The following GCFC2 variants were observed in gnomAD, a reference collection of about 807,000 sequenced individuals.
GCFC2 encodes the protein GC-rich sequence DNA-binding factor 2.
Under a neutral mutation model 99.4 loss-of-function variants are expected in GCFC2, and 102 were observed. The observed-to-expected ratio is 1.03, with a 90% CI of 0.87 to 1.21. The LOEUF (loss-of-function observed/expected upper bound fraction) is 1.21, where lower values mean the gene tolerates loss of function less well. Among genes scored for constraint, GCFC2 ranks in the 50% most tolerant of loss-of-function variants. The pLI is 0.00. For synonymous variants in GCFC2, 338 were observed against 316.8 expected, an observed-to-expected ratio of 1.07 and a Z score of -0.71; for missense variants, 973 against 920.9, an observed-to-expected ratio of 1.06 and a Z score of -0.73.
rs553252559 is a variant in GCFC2, at chr2:75,664,807, C to T, written c.2229-24G>A. ...CCCTGAAAAACAAAACAAATTTCTC[C>T]CTTTAAAAATGCAATGTATGAGGGA... On this transcript the variant is annotated intron_variant, in intron 16 of 16. Coordinates refer to ENST00000321027, the MANE Select transcript of GCFC2 (RefSeq NM_003203.5). 47 of 1,139,978 alleles carry T rather than the reference C, an allele frequency of 4.1e-5. No individual in the cohort carries two copies. In the South Asian group the frequency reaches 5.1e-4, roughly 12 times the overall value. The allele number at this position is 1,139,978 out of a possible 1,614,324, so 70.6% of individuals were successfully genotyped here. A position where few individuals can be genotyped will look rare whatever the true frequency, so the allele number is the denominator to read the frequency against.
intron 8 of GCFC2, 77 bp downstream of exon 8, chr2:75,690,560 AT>A (rs1680020334): frequency 1.3e-6 from 1 of 768,212 alleles, no homozygotes; most frequent in Non-Finnish European, 2.3e-6. Flanking sequence ...TAATGACATC[AT>A]GTGGTTAATT....
intron 11 of GCFC2, 124 bp downstream of exon 11, chr2:75,687,703 C>T (rs1679880503): frequency 1.3e-6 from 1 of 770,872 alleles, no homozygotes; most frequent in African/African-American, 1.8e-5. Flanking sequence ...TTGATTTTTA[C>T]TACATATAAC....
At chr2:75,679,959 C>T in intron 12 of GCFC2, 1 of 470,962 alleles carries the variant, frequency 2.1e-6, no homozygotes, top group Non-Finnish European at 3.7e-6. Context: ...AAGGTATATT[C>T]TTTCATCTTA....
intron 2 of GCFC2, among the ~76,000 whole-genome samples, chr2:75,702,824 G>A (rs1023998903): frequency 6.6e-6 from 1 of 152,156 alleles, no homozygotes; most frequent in Non-Finnish European, 1.5e-5. Flanking sequence ...AAGTTAGAAG[G>A]ATCAATGACA....
At chr2:75,709,278 C>T (rs1025497670) in intron 1 of GCFC2, among the ~76,000 whole-genome samples, 11 of 152,156 alleles carry the variant, frequency 7.2e-5, no homozygotes, top group African/African-American at 2.7e-4. Context: ...AACCACTATT[C>T]TAGAAGGCAA....
intron 4 of GCFC2, among the ~76,000 whole-genome samples, chr2:75,699,058 A>T (rs187386752): frequency 6.6e-6 from 1 of 151,704 alleles, no homozygotes; most frequent in Non-Finnish European, 1.5e-5. Flanking sequence ...TGATGAAGTC[A>T]TATTTGTGGA....
At chr2:75,706,137 T>A (rs1007639853) in intron 2 of GCFC2, among the ~76,000 whole-genome samples, 1 of 152,188 alleles carries the variant, frequency 6.6e-6, no homozygotes, top group Non-Finnish European at 1.5e-5. Flanking sequence ...CCAAATACTT[T>A]CAGCCAGAGC....
chr2:75,669,635 A>T lies in GCFC2; in HGVS notation c.2103+503T>A, dbSNP rs532171216. Among the ~76,000 whole-genome samples, 3 of 152,252 alleles carry T rather than the reference A, an allele frequency of 2.0e-5. No individual in the cohort carries two copies. In the South Asian group the frequency reaches 6.2e-4, roughly 32 times the overall value. Reference sequence around the variant, plus strand: ...GCCAGCCATCTAGCATCATTTATTAAGTAATTTTTCCTTTCCCTACTGGGG... The same window carrying T: ...GCCAGCCATCTAGCATCATTTATTATGTAATTTTTCCTTTCCCTACTGGGG... On this transcript the variant is annotated intron_variant, in intron 15 of 16. Transcript: ENST00000321027.
intron 1 of GCFC2, 120 bp downstream of exon 1, chr2:75,710,471 C>T (rs1681098067): frequency 2.9e-6 from 4 of 1,387,738 alleles, no homozygotes; most frequent in Non-Finnish European, 3.7e-6. Context: ...CTGGATAAGA[C>T]TCAGCATGGC....
Position 75,702,760 on chromosome 2 carries a change from G to A in GCFC2, c.395-337C>T, listed in dbSNP as rs141250019. Among the ~76,000 whole-genome samples the A allele has an allele frequency of 4.6e-5, 7 of 152,280 alleles. No homozygotes were observed. The East Asian group carries it at 1.3e-3, about 29-fold the overall frequency. On this transcript the variant is annotated intron_variant, in intron 2 of 16. Transcript: ENST00000321027. The stretch of plus-strand genomic sequence containing the variant: ...TTCTGGAAGCTCTGAGATTGTCAGC[G>A]CAGGGATGTGGAGAGGGCTGAGTGT...
rs758103786 is a variant in GCFC2 at position 75,690,110 on chromosome 2, C to T, written c.1227-29G>A. ...TATTTTGCAACAAACCAAAAATAAA[C>T]AAAAAGTAAGTAGTTCTTGCTGAAA... On this transcript the variant is annotated intron_variant, in intron 8 of 16. Transcript: ENST00000321027. The T allele has an allele frequency of 1.2e-5, 16 of 1,308,626 alleles. No homozygotes were observed. The East Asian group carries it at 3.7e-4, about 30-fold the overall frequency. The allele number at this position is 1,308,626 out of a possible 1,614,324, so 81.1% of individuals were successfully genotyped here.
At chr2:75,673,353 A>G (rs1418603661) in intron 13 of GCFC2, 91 bp downstream of exon 13, 1 of 696,926 alleles carries the variant, frequency 1.4e-6, no homozygotes, top group Non-Finnish European at 2.6e-6. Context: ...CAAAAAATAA[A>G]ACACTGTAGT....
chr2:75,701,360 G>T, intron 3 of GCFC2, 73 bp from the exon 4 acceptor site: 2 of 825,244 alleles, frequency 2.4e-6, no homozygotes, highest in East Asian at 2.5e-5. Context: ...AACATTTTTT[G>T]AGATTATACA....
chr2:75,697,799 GAGA>G (rs1489405266), intron 4 of GCFC2: 1 of 152,404 alleles, frequency 6.6e-6, no homozygotes, highest in African/African-American at 2.4e-5. Flanking sequence ...TGGGACACAA[GAGA>G]AGAAGCAGAT....
At chr2:75,711,662 C>A (rs1274852771), upstream of GCFC2, among the ~76,000 whole-genome samples, 1 of 152,214 alleles carries the variant, frequency 6.6e-6, no homozygotes, top group African/African-American at 2.4e-5. Context: ...CGGGCCTGCA[C>A]TCGGAGCAGC....
intron 11 of GCFC2, among the ~76,000 whole-genome samples, chr2:75,682,597 G>C (rs561812909): frequency 1.1e-4 from 17 of 151,860 alleles, no homozygotes; most frequent in Non-Finnish European, 1.9e-4. Flanking sequence ...GAATGAGTTT[G>C]ACGAAGTGAC....
At chr2:75,677,963 G>T (rs1046125226) in intron 12 of GCFC2, among the ~76,000 whole-genome samples, 11 of 150,054 alleles carry the variant, frequency 7.3e-5, no homozygotes, top group Non-Finnish European at 1.5e-4. Flanking sequence ...GGGTGACAGA[G>T]CAAGACTCCG....
Position 75,690,020 on chromosome 2 carries a change from T to G in GCFC2, c.1288A>C (p.Ser430Arg). 1 of 1,610,368 alleles carries G rather than the reference T, an allele frequency of 6.2e-7. No individual in the cohort carries two copies. The highest frequency in any genetic ancestry group is 8.5e-7 in the Non-Finnish European group (1 of 1,177,730). The change falls in exon 9 of 17, where the codon AGT becomes CGT. Residue 430 changes from serine (S) to arginine (R), a missense_variant. Transcript: ENST00000321027. Reference sequence around the variant, plus strand: ...TCTGCTGAAGGCAGTTCATCATCACTAGATGTTCCTTCCTGATGGTTACAA... The same window carrying G: ...TCTGCTGAAGGCAGTTCATCATCACGAGATGTTCCTTCCTGATGGTTACAA... ...GNCNHQEGTSSDDELPSAEMI... is the reference protein window; with the variant it reads ...GNCNHQEGTSRDDELPSAEMI...
intron 5 of GCFC2, among the ~76,000 whole-genome samples, chr2:75,695,190 G>A (rs1179421529): frequency 6.6e-6 from 1 of 152,082 alleles, no homozygotes; most frequent in Non-Finnish European, 1.5e-5. Flanking sequence ...TATAAATAAA[G>A]TTATATTGGA....
Sources: gnomAD v4.1 joint callset for allele counts (sites outside exome capture counted in the v4.1 genomes callset) on GRCh38, gnomAD v4.1.1 for gene constraint, MANE v1.5 for transcripts, NCBI Gene and HGNC (gene_info 2026-07-23, HGNC 2026-07-21) for gene names.